The following ANO4 variants were observed in gnomAD, a reference collection of about 807,000 sequenced individuals.
The protein encoded by ANO4 is anoctamin 4.
ANO4 carries 69 observed loss-of-function variants against 141.9 expected under a neutral mutation model. The ratio of observed to expected loss-of-function variants is 0.49; its 90% CI spans 0.40 to 0.59. ANO4 has a LOEUF of 0.59. ANO4 is among the 20% of genes least tolerant of loss of function. The probability of loss-of-function intolerance (pLI) is 0.00; values close to 1 mark genes in which losing one functional copy is unlikely to be tolerated. For missense variants in ANO4, 894 were observed against 1,162.2 expected (o/e 0.77, Z 3.36); for synonymous variants, 350 against 394.3 (o/e 0.89, Z 1.33).
At chr12:101,048,859 A>G (rs1030883339) in intron 14 of ANO4, among the ~76,000 whole-genome samples, 1 of 152,206 alleles carries the variant, frequency 6.6e-6, no homozygotes, top group Non-Finnish European at 1.5e-5. Context: ...TATAATTTCA[A>G]GCTAACAGCC....
rs2042208429 is a variant in ANO4, at chr12:100,934,540, T to G, written c.161-4775T>G. Among the ~76,000 whole-genome samples the G allele has an allele frequency of 2.7e-5, 4 of 150,210 alleles. No homozygotes were observed. In the South Asian group the frequency reaches 8.5e-4, roughly 32 times the overall value. On this transcript the variant is annotated intron_variant, in intron 3 of 27. Coordinates refer to ENST00000392977, the MANE Select transcript of ANO4 (RefSeq NM_001286615.2). ...AGGTAGCATGATGCCTTCAGTTTTG[T>G]TTTTTTTTGCTTAGGATTGTCTTGG...
intron 1 of ANO4, among the ~76,000 whole-genome samples, chr12:100,894,725 G>A (rs1480747799): frequency 6.6e-6 from 1 of 152,056 alleles, no homozygotes; most frequent in Non-Finnish European, 1.5e-5. Flanking sequence ...AGAAAACTTT[G>A]GGAGGCCGAG....
chr12:100,860,555 TA>T (rs1247851474), intron 1 of ANO4, among the ~76,000 whole-genome samples: 1 of 152,196 alleles, frequency 6.6e-6, no homozygotes, highest in Non-Finnish European at 1.5e-5. Context: ...TCCTTCTTCC[TA>T]AATTTAGATT....
intron 15 of ANO4, 59 bp downstream of exon 15, chr12:101,079,334 C>A (rs1188227226): frequency 2.1e-6 from 3 of 1,398,318 alleles, no homozygotes; most frequent in Admixed American, 1.8e-5. Flanking sequence ...CCACACGACC[C>A]CCCCCCAAAA....
intron 3 of ANO4, among the ~76,000 whole-genome samples, chr12:100,932,614 G>A (rs1054053080): frequency 2.6e-5 from 4 of 152,120 alleles, no homozygotes; most frequent in Admixed American, 6.6e-5. Flanking sequence ...AGGAATAATT[G>A]AAATAATTGC....
At chr12:100,823,672 TC>T (rs1166783988) in intron 1 of ANO4, among the ~76,000 whole-genome samples, 19 of 152,076 alleles carry the variant, frequency 1.2e-4, no homozygotes, top group Non-Finnish European at 1.3e-4. Flanking sequence ...TCTATTTTTT[TC>T]ATAAATGTCC....
chr12:101,123,449 C>T (rs1467667095), intron 26 of ANO4, among the ~76,000 whole-genome samples: 5 of 152,082 alleles, frequency 3.3e-5, no homozygotes, highest in Admixed American at 2.6e-4. Context: ...CTTAGCTATT[C>T]TTTCTGATGC....
At chr12:100,876,648 T>A (rs821854) in intron 1 of ANO4, among the ~76,000 whole-genome samples, 90,400 of 152,026 alleles carry the variant, frequency 0.59, 27,046 homozygotes, top group South Asian at 0.64. Flanking sequence ...GTAAGAATAG[T>A]CATGTGATTC....
intron 2 of ANO4, among the ~76,000 whole-genome samples, chr12:100,920,539 G>A (rs2041582164): frequency 7.0e-6 from 1 of 142,522 alleles, no homozygotes; most frequent in Non-Finnish European, 1.6e-5. Flanking sequence ...GAAGTAACTG[G>A]CCATGGAAGA....
chr12:101,034,265 A>G (rs141554902), intron 9 of ANO4, among the ~76,000 whole-genome samples: 3,684 of 152,322 alleles, frequency 0.024, 148 homozygotes, highest in African/African-American at 0.084. Context: ...TAGAGTGGAT[A>G]AAGAAAATGT....
intron 2 of ANO4, among the ~76,000 whole-genome samples, chr12:100,917,604 G>T (rs1249999148): frequency 1.3e-5 from 2 of 152,098 alleles, no homozygotes; most frequent in Admixed American, 1.3e-4. Context: ...AAGATTCATT[G>T]GTACACTGAT....
At chr12:100,754,734 C>T (rs2032536533) in intron 3 of ANO4, among the ~76,000 whole-genome samples, 1 of 152,114 alleles carries the variant, frequency 6.6e-6, no homozygotes. Context: ...TATTATTCAG[C>T]TGTAGAAGGA....
intron 8 of ANO4, among the ~76,000 whole-genome samples, chr12:100,996,039 T>A (rs2045354135): frequency 6.6e-6 from 1 of 152,228 alleles, no homozygotes; most frequent in African/African-American, 2.4e-5. Flanking sequence ...ACTTGAACTT[T>A]CCCTTGACTT....
At chr12:100,761,000 C>A (rs1478829159) in intron 3 of ANO4, among the ~76,000 whole-genome samples, 1 of 152,176 alleles carries the variant, frequency 6.6e-6, no homozygotes, top group Non-Finnish European at 1.5e-5. Context: ...CTTCTTCTTT[C>A]TCTGGGAGAG....
At chr12:100,822,261 G>C (rs1472798224) in intron 1 of ANO4, among the ~76,000 whole-genome samples, 5 of 151,962 alleles carry the variant, frequency 3.3e-5, no homozygotes, top group Admixed American at 6.6e-5. Context: ...AGCTAGGCTG[G>C]ATCATGTGGA....
intron 2 of ANO4, among the ~76,000 whole-genome samples, chr12:100,903,114 A>G (rs945834997): frequency 6.6e-5 from 10 of 152,192 alleles, no homozygotes; most frequent in Admixed American, 6.5e-4. Context: ...GAGAGTAACC[A>G]ACACAATCTG....
chr12:100,861,987 T>A (rs544728832), intron 1 of ANO4, among the ~76,000 whole-genome samples: 2 of 152,330 alleles, frequency 1.3e-5, no homozygotes, highest in South Asian at 2.1e-4. Context: ...ATAACATGCA[T>A]GGAGCTGTCA....
intron 5 of ANO4, among the ~76,000 whole-genome samples, chr12:100,969,508 G>A (rs1008799381): frequency 3.9e-5 from 6 of 152,164 alleles, no homozygotes; most frequent in Non-Finnish European, 7.3e-5. Flanking sequence ...GTTGATTTGT[G>A]TAGAGTATTT....
At chr12:100,860,202 G>C (rs1415677637) in intron 1 of ANO4, among the ~76,000 whole-genome samples, 1 of 152,182 alleles carries the variant, frequency 6.6e-6, no homozygotes, top group Non-Finnish European at 1.5e-5. Context: ...TTGATGCTGA[G>C]CTTGCATCGT....
Sources: gnomAD v4.1 joint callset for allele counts (sites outside exome capture counted in the v4.1 genomes callset) on GRCh38, gnomAD v4.1.1 for gene constraint, MANE v1.5 for transcripts, NCBI Gene and HGNC (gene_info 2026-07-23, HGNC 2026-07-21) for gene names.